NCAPD3: variants seen among roughly 807,000 people sequenced by gnomAD.
NCAPD3 encodes the protein condensin-2 complex subunit D3.
A neutral mutation model predicts 182.9 loss-of-function variants in NCAPD3; 105 were observed. The ratio of observed to expected loss-of-function variants is 0.57; its 90% confidence interval spans 0.49 to 0.68. The LOEUF (loss-of-function observed/expected upper bound fraction) is 0.68, where lower values mean the gene tolerates loss of function less well. Among genes scored for constraint, NCAPD3 ranks in the 30% least tolerant of loss-of-function variants. NCAPD3 has a pLI of 0.00. For missense variants in NCAPD3, 1,944 were observed against 1,837.0 expected (o/e 1.06, Z -1.07); for synonymous variants, 815 against 679.9 (o/e 1.20, Z -3.09).
rs1426167879 is a variant in NCAPD3 at position 134,168,109 on chromosome 11, T to C, written c.3460A>G (p.Ile1154Val). The C allele has an allele frequency of 1.9e-6, 3 of 1,614,018 alleles. No individual in the cohort carries two copies. The African/African-American group carries it at 4.0e-5, about 22-fold the overall frequency. Residue 1154 changes from isoleucine (I) to valine (V), a missense_variant, in exon 27 of 35, where the codon ATC becomes GTC. This residue lies in a region of NCAPD3 where 1,803 missense variants were observed against 1,674.6 expected (regional missense o/e 1.08). Transcript: ENST00000534548. ...DTFEVLSSKE[I>V]KLLAMRSKPD... Reference sequence around the variant, plus strand: ...TTAGATCTCATTGCCAAAAGCTTGATCTCCTTTGAGCTGAGGACCTCAAAC... The same window carrying C: ...TTAGATCTCATTGCCAAAAGCTTGACCTCCTTTGAGCTGAGGACCTCAAAC...
rs1943277827 is a variant in NCAPD3, at chr11:134,152,549, T to C, written c.*395A>G. On this transcript the variant is annotated 3_prime_UTR_variant, in exon 35 of 35. Coordinates refer to ENST00000534548, the MANE Select transcript of NCAPD3 (RefSeq NM_015261.3). ...AATATTAGAATCAAAATTTCGTCATTACAGATGGGAAAATATGTACTATAA... is the reference window on the plus strand; with the variant it reads ...AATATTAGAATCAAAATTTCGTCATCACAGATGGGAAAATATGTACTATAA... The C allele has an allele frequency of 6.3e-6, 1 of 159,756 alleles. No homozygotes were observed. Among genetic ancestry groups the C allele is most frequent in the African/African-American group, 2.4e-5 (1 of 41,774 alleles). The allele number at this position is 159,756 out of a possible 1,614,324, so 9.9% of individuals were successfully genotyped here. A position where few individuals can be genotyped will look rare whatever the true frequency, so the allele number is the denominator to read the frequency against.
Position 134,184,891 on chromosome 11 carries a change from G to A in NCAPD3, c.2335+12C>T. ...ATGCATTTTCACATAAGATTCTCCA[G>A]CAGACACTCACCAGTCACTTTGTCC... is the stretch of plus-strand genomic sequence containing the variant. On this transcript the variant is annotated intron_variant, in intron 18 of 34. Coordinates refer to ENST00000534548, the MANE Select transcript of NCAPD3 (RefSeq NM_015261.3). 1.3e-6 allele frequency: 2 copies of A among 1,593,310 alleles called. No homozygotes were observed. Among genetic ancestry groups the A allele is most frequent in the South Asian group, 1.1e-5 (1 of 90,670 alleles).
intron 7 of NCAPD3, 21 bp from the exon 8 acceptor site, chr11:134,206,753 C>T (rs1376111791): frequency 2.5e-6 from 4 of 1,595,336 alleles, no homozygotes; most frequent in Non-Finnish European, 3.4e-6. Context: ...AAAGAAAATT[C>T]AATTTAAGAT....
chr11:134,201,639 C>A (rs182639645), intron 13 of NCAPD3, among the ~76,000 whole-genome samples: 140 of 152,336 alleles, frequency 9.2e-4, no homozygotes, highest in African/African-American at 3.2e-3. Context: ...GAACAATGCA[C>A]TGGAAACATG....
chr11:134,150,518 C>T lies in NCAPD3; in HGVS notation c.*2426G>A, dbSNP rs1188337061. 6.6e-6 allele frequency: 1 copy of T among 152,380 alleles called. No homozygotes were observed. The highest frequency in any genetic ancestry group is 1.9e-4 in the East Asian group (1 of 5,190). 9.4% of individuals were successfully genotyped at this position (152,380 alleles called of 1,614,324 possible). The stretch of plus-strand genomic sequence containing the variant: ...CTCACGTGGCCCTTGCTTCATCCAG[C>T]ACAGCTCTCAGGTGGGCACTGCAGG... On this transcript the variant is annotated 3_prime_UTR_variant, in exon 35 of 35. Transcript: ENST00000534548.
In NCAPD3 at chr11:134,223,517, G is replaced by A. The variant is rs1484068896; in HGVS notation, c.64+346C>T. 1.3e-5 allele frequency: 9 copies of A among 701,484 alleles called. 1 individual carries two copies. The highest frequency in any genetic ancestry group is 8.9e-5 in the South Asian group (6 of 67,592). 43.5% of individuals were successfully genotyped at this position (701,484 alleles called of 1,614,324 possible). On this transcript the variant is annotated intron_variant, in intron 1 of 34. Transcript: ENST00000534548. ...TGAAGTTCAAGAAATAAGTCTGGCG[G>A]AAGAAAGAGATTTGCAATTTAAAAC...
At chr11:134,182,369 T>C (rs1944316029) in intron 19 of NCAPD3, among the ~76,000 whole-genome samples, 2 of 152,242 alleles carry the variant, frequency 1.3e-5, no homozygotes, top group African/African-American at 4.8e-5. Context: ...TTCCATTCAT[T>C]GGTCCAGATA....
At chr11:134,209,891 C>CA (rs1937765727) in intron 4 of NCAPD3, among the ~76,000 whole-genome samples, 1 of 151,960 alleles carries the variant, frequency 6.6e-6, no homozygotes, top group Non-Finnish European at 1.5e-5. Flanking sequence ...CCCATCTCTA[C>CA]AAAAAAATGC....
At chr11:134,176,173 C>T (rs1944158826) in intron 24 of NCAPD3, 134 bp downstream of exon 24, 1 of 681,930 alleles carries the variant, frequency 1.5e-6, no homozygotes, top group Non-Finnish European at 2.5e-6. Flanking sequence ...TAAAAATCTG[C>T]TAATTTTCCT....
At chr11:134,192,082 C>CCTAG (rs1402097910) in intron 16 of NCAPD3, among the ~76,000 whole-genome samples, 19 of 152,274 alleles carry the variant, frequency 1.2e-4, no homozygotes, top group African/African-American at 4.6e-4. Flanking sequence ...ATGAAGAGAT[C>CCTAG]CTAGAGTACA....
At chr11:134,201,984 C>T (rs1200006571) in intron 13 of NCAPD3, among the ~76,000 whole-genome samples, 1 of 152,196 alleles carries the variant, frequency 6.6e-6, no homozygotes, top group Non-Finnish European at 1.5e-5. Flanking sequence ...GCACCTATCT[C>T]AGTGTTCCGC....
chr11:134,162,414 G>A (rs1301159681), intron 27 of NCAPD3, among the ~76,000 whole-genome samples: 1 of 151,942 alleles, frequency 6.6e-6, no homozygotes, highest in Admixed American at 6.6e-5. Flanking sequence ...TATATATATA[G>A]TACCTGATTT....
chr11:134,202,724 A>G (rs1398683862), intron 13 of NCAPD3, 92 bp downstream of exon 13: 3 of 1,063,974 alleles, frequency 2.8e-6, no homozygotes, highest in East Asian at 5.0e-5. Context: ...TAAATCAGAA[A>G]AAAAAAAAAA....
intron 22 of NCAPD3, 146 bp downstream of exon 22, chr11:134,178,483 CTCAGA>C (rs1565535242): frequency 1.8e-6 from 1 of 548,668 alleles, no homozygotes. Context: ...GAGCTCAGCA[CTCAGA>C]TCAGAGCCAC....
chr11:134,194,133 C>G lies in NCAPD3; in HGVS notation c.1707G>C (p.Leu569Phe), dbSNP rs1346547398. 1.2e-6 allele frequency: 2 copies of G among 1,614,056 alleles called. No homozygotes were observed. Among genetic ancestry groups the G allele is most frequent in the South Asian group, 2.2e-5 (2 of 91,082 alleles). The change falls in exon 15 of 35, where the codon TTG (leucine) becomes TTC (phenylalanine). Residue 569 changes from leucine (L) to phenylalanine (F), a missense_variant. By Grantham distance (22) the Leu-to-Phe change is conservative. Transcript: ENST00000534548. ...TCATGCCTGAGACATCACAGTGTTT[C>G]AAAATACTCACTAATACCTAGAAGG... is the stretch of plus-strand genomic sequence containing the variant. The part of the protein sequence containing the change: ...KSALQVLVSI[L>F]KHCDVSGMKE...
At chr11:134,174,501 A>C (rs1944110897) in intron 24 of NCAPD3, among the ~76,000 whole-genome samples, 1 of 151,518 alleles carries the variant, frequency 6.6e-6, no homozygotes, top group Non-Finnish European at 1.5e-5. Context: ...ATATATATAC[A>C]TATATATATA....
At chr11:134,163,879 A>G (rs1262788204) in intron 27 of NCAPD3, among the ~76,000 whole-genome samples, 2 of 150,058 alleles carry the variant, frequency 1.3e-5, no homozygotes, top group African/African-American at 4.9e-5. Context: ...CTCAAAAAAA[A>G]AAAAAAAAAA....
rs376790927 is a variant in NCAPD3, at chr11:134,154,477, A to ACC, written c.4253-1116_4253-1115dup. On this transcript the variant is annotated intron_variant, in intron 32 of 34. Transcript: ENST00000534548. ...CTGTCTGCACATTATGCTTCTCTGC[A>ACC]CCCCCCCCCCCACCGCCCCATCTGC... Among the ~76,000 whole-genome samples, 115 of 75,596 alleles carry ACC rather than the reference A, an allele frequency of 1.5e-3. 10 individuals carry two copies. The highest frequency in any genetic ancestry group is 4.8e-3 in the African/African-American group (79 of 16,580). 49.6% of individuals were successfully genotyped at this position (75,596 alleles called of 152,430 possible).
intron 28 of NCAPD3, among the ~76,000 whole-genome samples, 182 bp from the exon 29 acceptor site, chr11:134,160,256 G>A (rs1248662723): frequency 1.3e-5 from 2 of 152,128 alleles, no homozygotes; most frequent in Non-Finnish European, 2.9e-5. Flanking sequence ...ATAAATCATA[G>A]GAACAATAGG....
Sources: allele counts gnomAD v4.1 joint callset (sites outside exome capture counted in the v4.1 genomes callset), GRCh38; gene constraint gnomAD v4.1.1; regional missense constraint gnomAD v4.1.1; transcripts MANE v1.5; gene names NCBI Gene and HGNC (gene_info 2026-07-23, HGNC 2026-07-21).